PTPRD: variants seen among roughly 807,000 people sequenced by gnomAD.
PTPRD encodes receptor-type tyrosine-protein phosphatase delta.
In PTPRD, 34 loss-of-function variants were observed where a neutral mutation model predicts 214.5. That is an observed-to-expected ratio of 0.16 (90% CI 0.12 to 0.21). The LOEUF (loss-of-function observed/expected upper bound fraction) is 0.21, where lower values mean the gene tolerates loss of function less well. Ranked by LOEUF, PTPRD falls within the 10% of genes least tolerant of loss-of-function variation. The pLI, the probability that PTPRD is intolerant of heterozygous loss-of-function variation, is 1.00. For missense variants in PTPRD, 2,545 were observed against 2,398.7 expected (o/e 1.06, Z -1.27); for synonymous variants, 1,128 against 845.7 (o/e 1.33, Z -5.79).
intron 5 of PTPRD, among the ~76,000 whole-genome samples, chr9:9,821,802 T>A (rs62533716): frequency 2.0e-5 from 3 of 151,684 alleles, no homozygotes; most frequent in Non-Finnish European, 4.4e-5. Flanking sequence ...AAGCAAGGAT[T>A]TGAATTTAAA....
chr9:9,465,199 A>G (rs575747783), intron 8 of PTPRD, among the ~76,000 whole-genome samples: 6 of 152,350 alleles, frequency 3.9e-5, no homozygotes, highest in African/African-American at 1.4e-4. Context: ...CCAGGTAATC[A>G]TCAATATAAC....
At chr9:10,142,671 T>C (rs565164959) in intron 3 of PTPRD, among the ~76,000 whole-genome samples, 124 of 148,792 alleles carry the variant, frequency 8.3e-4, no homozygotes, top group Middle Eastern at 3.4e-3. Flanking sequence ...TTTTACACTG[T>C]TGGTGGGACT....
rs1407773232 is a variant in PTPRD, at chr9:9,539,169, G to C, written c.-237+35563C>G. Reference sequence around the variant, plus strand: ...TACTTAAAACAGGGTGCTCACTGGGGACATATTTTTTGAGACCTAAATGAA... The same window carrying C: ...TACTTAAAACAGGGTGCTCACTGGGCACATATTTTTTGAGACCTAAATGAA... On this transcript the variant is annotated intron_variant, in intron 8 of 45. Coordinates refer to ENST00000381196, the MANE Select transcript of PTPRD (RefSeq NM_002839.4). 4.6e-5 allele frequency among the ~76,000 whole-genome samples: 7 copies of C among 151,844 alleles called. No homozygotes were observed. In the East Asian group the frequency reaches 1.4e-3, roughly 29 times the overall value.
intron 14 of PTPRD, among the ~76,000 whole-genome samples, chr9:8,599,620 T>C (rs2094704453): frequency 9.2e-6 from 1 of 108,644 alleles, no homozygotes; most frequent in Non-Finnish European, 1.7e-5. Flanking sequence ...ACCCTTTTTT[T>C]TTTTTTTTTT....
At chr9:10,260,381 G>A (rs988673513) in intron 3 of PTPRD, among the ~76,000 whole-genome samples, 52 of 152,166 alleles carry the variant, frequency 3.4e-4, no homozygotes, top group Non-Finnish European at 6.6e-4. Context: ...AAGTTTTACA[G>A]AAGACTTTTG....
At chr9:9,017,363 G>C (rs747114000) in intron 11 of PTPRD, among the ~76,000 whole-genome samples, 5 of 152,098 alleles carry the variant, frequency 3.3e-5, no homozygotes, top group African/African-American at 1.2e-4. Flanking sequence ...TTACAGTTGA[G>C]ATCAGCACCA....
rs553139498 is a variant in PTPRD, at chr9:9,224,570, T to G, written c.-202-41207A>C. ...TAGTCTACAGTGAAAATTGGAAAAT[T>G]TAAACTAAAGTCATTATTAATGATT... On this transcript the variant is annotated intron_variant, in intron 9 of 45. Transcript: ENST00000381196. Among the ~76,000 whole-genome samples, 10 of 152,058 alleles carry G rather than the reference T, an allele frequency of 6.6e-5. No homozygotes were observed. In the South Asian group the frequency reaches 2.1e-3, roughly 31 times the overall value.
intron 3 of PTPRD, among the ~76,000 whole-genome samples, chr9:10,212,306 C>T (rs1433357793): frequency 2.6e-5 from 4 of 152,012 alleles, no homozygotes; most frequent in Non-Finnish European, 5.9e-5. Context: ...GATATCAAGG[C>T]ATCTTAATTT....
intron 8 of PTPRD, among the ~76,000 whole-genome samples, chr9:9,557,148 G>A (rs1336348668): frequency 6.6e-6 from 1 of 152,070 alleles, no homozygotes; most frequent in African/African-American, 2.4e-5. Context: ...TATAGCTCCC[G>A]CAATTGACTT....
intron 7 of PTPRD, among the ~76,000 whole-genome samples, chr9:9,732,951 T>C: frequency 6.6e-6 from 1 of 152,064 alleles, no homozygotes; most frequent in Non-Finnish European, 1.5e-5. Flanking sequence ...AATTTCAAGT[T>C]CCTTTTGTTC....
chr9:9,258,069 A>C (rs995156294), intron 9 of PTPRD, among the ~76,000 whole-genome samples: 1 of 147,026 alleles, frequency 6.8e-6, no homozygotes, highest in Non-Finnish European at 1.5e-5. Flanking sequence ...AATATGAAAA[A>C]AGCTAATAAA....
At chr9:10,497,048 C>T (rs833439) in intron 2 of PTPRD, among the ~76,000 whole-genome samples, 33,059 of 151,828 alleles carry the variant, frequency 0.22, 3,887 homozygotes, top group East Asian at 0.39. Flanking sequence ...ATCACAGGAA[C>T]ATAAAACCAA....
At chr9:10,431,234 G>A (rs574824211) in intron 2 of PTPRD, among the ~76,000 whole-genome samples, 1 of 152,116 alleles carries the variant, frequency 6.6e-6, no homozygotes, top group East Asian at 1.9e-4. Context: ...TTAGCCATAT[G>A]TAGAAAGCTG....
intron 11 of PTPRD, among the ~76,000 whole-genome samples, chr9:8,759,343 T>C (rs1354256031): frequency 2.0e-5 from 3 of 152,122 alleles, no homozygotes; most frequent in Admixed American, 1.3e-4. Context: ...TGAGCCACCA[T>C]GCCCGGCCTA....
At chr9:9,704,335 A>G (rs375602120) in intron 7 of PTPRD, among the ~76,000 whole-genome samples, 30 of 152,044 alleles carry the variant, frequency 2.0e-4, no homozygotes, top group African/African-American at 7.0e-4. Context: ...CTGTTTAATC[A>G]TAGTTAGTAA....
chr9:10,493,917 G>C (rs1400137448), intron 2 of PTPRD, among the ~76,000 whole-genome samples: 1 of 151,774 alleles, frequency 6.6e-6, no homozygotes, highest in African/African-American at 2.4e-5. Context: ...AGCAATTATG[G>C]CTAAATACAA....
At chr9:9,491,370 GA>G (rs2095887829) in intron 8 of PTPRD, among the ~76,000 whole-genome samples, 2 of 151,998 alleles carry the variant, frequency 1.3e-5, no homozygotes, top group Admixed American at 1.3e-4. Flanking sequence ...AGTCAACTCT[GA>G]AAAATGGGTA....
chr9:10,226,868 A>G (rs554463967), intron 3 of PTPRD, among the ~76,000 whole-genome samples: 35 of 152,192 alleles, frequency 2.3e-4, no homozygotes, highest in African/African-American at 7.5e-4. Flanking sequence ...CACTCATTAA[A>G]TTAATGGAAA....
intron 3 of PTPRD, among the ~76,000 whole-genome samples, chr9:10,136,265 G>T (rs940127274): frequency 6.6e-6 from 1 of 152,026 alleles, no homozygotes; most frequent in Non-Finnish European, 1.5e-5. Context: ...GTAAGATTTA[G>T]ACAGCTGCAC....
Sources: gnomAD v4.1 joint callset for allele counts (sites outside exome capture counted in the v4.1 genomes callset) on GRCh38, gnomAD v4.1.1 for gene constraint, MANE v1.5 for transcripts, NCBI Gene and HGNC (gene_info 2026-07-23, HGNC 2026-07-21) for gene names.